The following XKR6 variants were observed in gnomAD, a reference collection of about 807,000 sequenced individuals.
XKR6 encodes the protein XK-related protein 6.
Under a neutral mutation model 56.7 loss-of-function variants are expected in XKR6, and 22 were observed. The ratio of observed to expected loss-of-function variants is 0.39; its 90% CI spans 0.28 to 0.55. The LOEUF is 0.55. Among genes scored for constraint, XKR6 ranks in the 20% least tolerant of loss-of-function variants. The pLI is 0.66. For synonymous variants in XKR6, 524 were observed against 387.8 expected (o/e 1.35, Z -4.13); for missense variants, 852 against 889.0 (o/e 0.96, Z 0.53).
At chr8:10,956,602 A>G (rs1290295135) in intron 1 of XKR6, among the ~76,000 whole-genome samples, 1 of 152,186 alleles carries the variant, frequency 6.6e-6, no homozygotes, top group Non-Finnish European at 1.5e-5. Context: ...CAAATCCAGG[A>G]GTCAGGAGTC....
intron 1 of XKR6, among the ~76,000 whole-genome samples, chr8:11,046,826 T>A (rs1799422133): frequency 6.6e-6 from 1 of 152,218 alleles, no homozygotes; most frequent in Non-Finnish European, 1.5e-5. Flanking sequence ...AAAAGATATT[T>A]AAATCCTGTG....
chr8:10,976,825 ATCC>A (rs1328194247), intron 1 of XKR6, among the ~76,000 whole-genome samples: 1 of 151,526 alleles, frequency 6.6e-6, no homozygotes, highest in African/African-American at 2.4e-5. Flanking sequence ...TTTACTTGCA[ATCC>A]TCCAATAGCG....
At chr8:10,979,162 T>C (rs773882889) in intron 1 of XKR6, among the ~76,000 whole-genome samples, 9 of 151,852 alleles carry the variant, frequency 5.9e-5, no homozygotes, top group Non-Finnish European at 1.2e-4. Flanking sequence ...TCTGGGGATC[T>C]CACGGCACAT....
At chr8:11,137,513 G>A (rs1423361448) in intron 1 of XKR6, 1 of 455,682 alleles carries the variant, frequency 2.2e-6, no homozygotes, top group South Asian at 1.6e-5. Context: ...TAACCTAGGA[G>A]ACGGCCAGGC....
At chr8:11,171,317 G>A (rs1005737336) in intron 1 of XKR6, among the ~76,000 whole-genome samples, 1 of 152,196 alleles carries the variant, frequency 6.6e-6, no homozygotes, top group African/African-American at 2.4e-5. Context: ...CATGCCCAAG[G>A]AAAAATATCC....
chr8:11,105,759 C>T (rs1206025100), intron 1 of XKR6: 1 of 152,212 alleles, frequency 6.6e-6, no homozygotes, highest in Non-Finnish European at 1.5e-5. Flanking sequence ...TTTCCAGCCA[C>T]CCCAACCTCA....
chr8:11,038,852 T>C (rs917845651), intron 1 of XKR6, among the ~76,000 whole-genome samples: 1 of 152,080 alleles, frequency 6.6e-6, no homozygotes, highest in Non-Finnish European at 1.5e-5. Context: ...ACTTCAGGCA[T>C]GTAATAAATT....
chr8:11,199,958 C>T (rs1253675891), intron 1 of XKR6, among the ~76,000 whole-genome samples: 1 of 151,440 alleles, frequency 6.6e-6, no homozygotes, highest in East Asian at 1.9e-4. Flanking sequence ...AAGGACACGT[C>T]TAATCCAGCA....
intron 1 of XKR6, among the ~76,000 whole-genome samples, chr8:11,104,238 T>C (rs1798590636): frequency 6.6e-6 from 1 of 152,226 alleles, no homozygotes; most frequent in Non-Finnish European, 1.5e-5. Flanking sequence ...AGGACACACT[T>C]TGGAGAACTG....
At chr8:10,961,049 C>T (rs76673827) in intron 1 of XKR6, among the ~76,000 whole-genome samples, 156 of 152,094 alleles carry the variant, frequency 1.0e-3, no homozygotes, top group African/African-American at 3.6e-3. Context: ...GCAGAGGGCA[C>T]GGGTGCTGGG....
chr8:11,114,962 AC>A (rs1178377706), intron 1 of XKR6, among the ~76,000 whole-genome samples: 24 of 152,308 alleles, frequency 1.6e-4, no homozygotes, highest in African/African-American at 5.5e-4. Flanking sequence ...GTTTCTAAGC[AC>A]CGGAATTAAG....
intron 1 of XKR6, among the ~76,000 whole-genome samples, chr8:11,026,563 C>G (rs1054258863): frequency 6.6e-6 from 1 of 151,380 alleles, no homozygotes; most frequent in Non-Finnish European, 1.5e-5. Context: ...CTACTAAACT[C>G]TTAATGGCGT....
intron 1 of XKR6, among the ~76,000 whole-genome samples, chr8:11,110,463 C>A (rs1490215882): frequency 6.6e-6 from 1 of 152,290 alleles, no homozygotes; most frequent in African/African-American, 2.4e-5. Context: ...GGATAATCCA[C>A]CAACCATCAA....
At chr8:11,114,665 A>G (rs1410585989) in intron 1 of XKR6, among the ~76,000 whole-genome samples, 1 of 151,934 alleles carries the variant, frequency 6.6e-6, no homozygotes, top group Non-Finnish European at 1.5e-5. Flanking sequence ...CTGGCCAAAC[A>G]TTTATTTTTA....
chr8:11,151,196 G>T, intron 1 of XKR6, among the ~76,000 whole-genome samples: 1 of 152,080 alleles, frequency 6.6e-6, no homozygotes, highest in Non-Finnish European at 1.5e-5. Flanking sequence ...AATAATTTTT[G>T]TCCCAAAAGT....
At chr8:11,164,115 A>AC (rs1801956661) in intron 1 of XKR6, among the ~76,000 whole-genome samples, 1 of 152,062 alleles carries the variant, frequency 6.6e-6, no homozygotes. Flanking sequence ...CTTCCTACCC[A>AC]CTTCCCTTCT....
rs567796727 is a variant in XKR6, at chr8:10,943,733, A to T, written c.765-18903T>A. Among the ~76,000 whole-genome samples the T allele has an allele frequency of 1.1e-3, 83 of 77,558 alleles. 1 individual carries two copies. Among genetic ancestry groups the T allele is most frequent in the South Asian group, 6.0e-3 (15 of 2,516 alleles). The allele number at this position is 77,558 out of a possible 152,430, so 50.9% of individuals were successfully genotyped here. On this transcript the variant is annotated intron_variant, in intron 1 of 2. Transcript: ENST00000416569. ...ACCAAAGCAAGAGGTTGTGGATGCC[A>T]GGGGTTCATACCCAGGTGGTTGACT...
chr8:11,149,895 A>G (rs1801182922), intron 1 of XKR6, among the ~76,000 whole-genome samples: 1 of 152,270 alleles, frequency 6.6e-6, no homozygotes, highest in African/African-American at 2.4e-5. Flanking sequence ...AATACTATTC[A>G]GCCACAGAAA....
chr8:11,064,499 T>G (rs866244916), intron 1 of XKR6, among the ~76,000 whole-genome samples: 7 of 152,292 alleles, frequency 4.6e-5, no homozygotes, highest in Admixed American at 1.3e-4. Context: ...TAGAAAGAAA[T>G]AAAGTGCTTA....
Sources: allele counts gnomAD v4.1 joint callset (sites outside exome capture counted in the v4.1 genomes callset), GRCh38; gene constraint gnomAD v4.1.1; transcripts MANE v1.5; gene names NCBI Gene and HGNC (gene_info 2026-07-23, HGNC 2026-07-21).